Variants in ANTXR2 observed in about 807,000 individuals in gnomAD.
ANTXR2 encodes anthrax toxin receptor 2.
Under a neutral mutation model 73.7 loss-of-function variants are expected in ANTXR2, and 44 were observed. The observed-to-expected ratio is 0.60, with a 90% CI of 0.47 to 0.77. The LOEUF (loss-of-function observed/expected upper bound fraction) is 0.77. Among genes scored for constraint, ANTXR2 ranks in the 30% least tolerant of loss-of-function variants. ANTXR2 has a pLI of 0.00. For missense variants in ANTXR2, 604 were observed against 592.5 expected, an observed-to-expected ratio of 1.02 and a Z score of -0.20; for synonymous variants, 217 against 205.9, an observed-to-expected ratio of 1.05 and a Z score of -0.46.
intron 12 of ANTXR2, among the ~76,000 whole-genome samples, chr4:80,001,454 T>C (rs1049550933): frequency 2.6e-5 from 4 of 151,838 alleles, no homozygotes; most frequent in African/African-American, 9.6e-5. Flanking sequence ...TTAAAGAATA[T>C]TTCATTGCCT....
At chr4:79,953,298 T>TA (rs149152311) in intron 16 of ANTXR2, among the ~76,000 whole-genome samples, 15,815 of 152,202 alleles carry the variant, frequency 0.1, 2,671 homozygotes, top group African/African-American at 0.36. Context: ...TATTTTCAGA[T>TA]ACATCAAAGA....
At chr4:80,024,616 G>A in intron 10 of ANTXR2, 1 of 389,692 alleles carries the variant, frequency 2.6e-6, no homozygotes, top group South Asian at 1.9e-5. Context: ...CAGAAAATTA[G>A]CAGGGTGTGG....
At chr4:79,977,732 G>A in intron 15 of ANTXR2, 31 bp from the exon 16 acceptor site, 1 of 1,540,734 alleles carries the variant, frequency 6.5e-7, no homozygotes, top group Non-Finnish European at 8.8e-7. Context: ...TGAATTCCCA[G>A]AGAATGTACT....
intron 12 of ANTXR2, among the ~76,000 whole-genome samples, chr4:79,993,505 T>C (rs1730571144): frequency 6.6e-6 from 1 of 151,962 alleles, no homozygotes; most frequent in South Asian, 2.1e-4. Context: ...ACAACATTTT[T>C]TCAACTCCTC....
chr4:79,984,739 C>T (rs896385104), intron 13 of ANTXR2, 80 bp downstream of exon 13: 1 of 1,234,644 alleles, frequency 8.1e-7, no homozygotes, highest in African/African-American at 1.5e-5. Flanking sequence ...ATCTAACAGA[C>T]AAAATTGATT....
At chr4:79,983,768 A>T in intron 14 of ANTXR2, 110 bp downstream of exon 14, 5 of 871,706 alleles carry the variant, frequency 5.7e-6, no homozygotes, top group Non-Finnish European at 9.3e-6. Context: ...TGTTAAGCAC[A>T]AATGGATGAT....
At chr4:80,015,594 A>G (rs1027764908) in intron 11 of ANTXR2, among the ~76,000 whole-genome samples, 3 of 152,060 alleles carry the variant, frequency 2.0e-5, no homozygotes, top group Admixed American at 2.0e-4. Context: ...ATTATTATTT[A>G]TTGGAGTCAG....
intron 3 of ANTXR2, among the ~76,000 whole-genome samples, chr4:80,066,150 C>A (rs1279192014): frequency 6.6e-6 from 1 of 152,096 alleles, no homozygotes; most frequent in African/African-American, 2.4e-5. Flanking sequence ...AGTAAAATAG[C>A]AATATAGAAC....
intron 16 of ANTXR2, among the ~76,000 whole-genome samples, chr4:79,928,991 A>G (rs1391878292): frequency 1.3e-5 from 2 of 152,330 alleles, no homozygotes; most frequent in East Asian, 3.9e-4. Flanking sequence ...TCTTAGCTCT[A>G]TGTAATAATT....
chr4:80,036,177 C>A lies in ANTXR2; in HGVS notation c.637-145G>T, dbSNP rs1284267966. The A allele has an allele frequency of 4.6e-6, 3 of 656,074 alleles. No homozygotes were observed. The African/African-American group carries it at 5.8e-5, about 13-fold the overall frequency. 40.6% of individuals were successfully genotyped at this position (656,074 alleles called of 1,614,324 possible). On this transcript the variant is annotated intron_variant, in intron 7 of 16. Transcript: ENST00000403729. The stretch of plus-strand genomic sequence containing the variant: ...AATCTATTAACTATAGCGTGTACAG[C>A]TACCAAGTTCTTAGGAAACTTCTGC...
At chr4:79,999,039 T>C (rs1730879444) in intron 12 of ANTXR2, among the ~76,000 whole-genome samples, 1 of 152,076 alleles carries the variant, frequency 6.6e-6, no homozygotes, top group Non-Finnish European at 1.5e-5. Context: ...AAAGACTCTT[T>C]AGTATGAACT....
At chr4:79,910,437 A>G (rs1370454774) in intron 16 of ANTXR2, among the ~76,000 whole-genome samples, 1 of 142,490 alleles carries the variant, frequency 7.0e-6, no homozygotes, top group African/African-American at 2.6e-5. Flanking sequence ...TGAACCCGGG[A>G]GGCGGAGGTT....
Position 80,071,582 on chromosome 4 carries a change from C to G in ANTXR2, c.224+1G>C. On this transcript the variant is annotated splice_donor_variant, in intron 2 of 16. Transcript: ENST00000403729. LOFTEE classifies it high-confidence loss of function. ...CTAGAAAAGTAAAGTAAGAAAGATA[C>G]CTCACAAATCTCTCCGCAAGTTGCT... The G allele has an allele frequency of 6.2e-7, 1 of 1,608,688 alleles. No homozygotes were observed.
At chr4:80,033,064 G>A (rs1448875569) in intron 9 of ANTXR2, among the ~76,000 whole-genome samples, 1 of 151,758 alleles carries the variant, frequency 6.6e-6, no homozygotes, top group Non-Finnish European at 1.5e-5. Context: ...AGATTTTAAG[G>A]CAGGTGTGAC....
chr4:80,003,085 CAGGCTGCTATAA>C (rs1428582551), intron 12 of ANTXR2, among the ~76,000 whole-genome samples: 1 of 151,876 alleles, frequency 6.6e-6, no homozygotes, highest in Admixed American at 6.6e-5. Flanking sequence ...GACTATAAAT[CAGGCTGCTATAA>C]AGACATATGC....
intron 6 of ANTXR2, among the ~76,000 whole-genome samples, chr4:80,054,672 G>A (rs758228225): frequency 2.0e-5 from 3 of 151,370 alleles, no homozygotes; most frequent in Non-Finnish European, 4.4e-5. Context: ...AAATTTAAAC[G>A]TAAAATAACT....
chr4:79,954,084 T>C (rs910617882), intron 16 of ANTXR2, among the ~76,000 whole-genome samples: 2 of 152,188 alleles, frequency 1.3e-5, no homozygotes, highest in Non-Finnish European at 2.9e-5. Context: ...GAACTAAATT[T>C]TTCAATAACC....
intron 16 of ANTXR2, among the ~76,000 whole-genome samples, chr4:79,918,504 C>T (rs906956196): frequency 1.7e-4 from 26 of 152,052 alleles, no homozygotes; most frequent in Non-Finnish European, 3.7e-4. Flanking sequence ...ATAAGCACGA[C>T]AGTTGACTTT....
chr4:79,982,572 A>C (rs958090488), intron 14 of ANTXR2, among the ~76,000 whole-genome samples: 3 of 152,192 alleles, frequency 2.0e-5, no homozygotes, highest in African/African-American at 7.2e-5. Flanking sequence ...AGAAAGGAAA[A>C]TAACCTTCCT....
Sources: gnomAD v4.1 joint callset for allele counts (sites outside exome capture counted in the v4.1 genomes callset) on GRCh38, gnomAD v4.1.1 for gene constraint, MANE v1.5 for transcripts, NCBI Gene and HGNC (gene_info 2026-07-23, HGNC 2026-07-21) for gene names.